The following TM4SF19 variants were observed in gnomAD, a reference collection of about 807,000 sequenced individuals.
The protein encoded by TM4SF19 is transmembrane 4 L six family member 19.
A neutral mutation model predicts 21.8 loss-of-function variants in TM4SF19; 17 were observed. That is an observed-to-expected ratio of 0.78 (90% CI 0.53 to 1.17). The LOEUF (loss-of-function observed/expected upper bound fraction) is 1.17. Among genes scored for constraint, TM4SF19 ranks in the 50% most tolerant of loss-of-function variants. The probability of loss-of-function intolerance (pLI) is 0.00; values close to 1 mark genes in which losing one functional copy is unlikely to be tolerated. For missense variants in TM4SF19, 216 were observed against 252.1 expected (o/e 0.86, Z 0.97); for synonymous variants, 107 against 106.7 (o/e 1.00, Z -0.02).
rs1432127264 is a variant in TM4SF19, at chr3:196,323,721, G to C, written c.*96C>G. The C allele has an allele frequency of 4.4e-6, 7 of 1,598,972 alleles. No individual in the cohort carries two copies. The East Asian group carries it at 1.6e-4, about 36-fold the overall frequency. ...TTATTACTCCAGGGATACCTAAAGG[G>C]GAAGTTTGTTTATAATTCGTACCCA... is the stretch of plus-strand genomic sequence containing the variant. On this transcript the variant is annotated 3_prime_UTR_variant, in exon 5 of 5. Transcript: ENST00000273695.
chr3:196,331,946 A>G (rs555622100), intron 1 of TM4SF19, among the ~76,000 whole-genome samples: 185 of 151,932 alleles, frequency 1.2e-3, no homozygotes, highest in Non-Finnish European at 2.1e-3. Context: ...TGACACGCCT[A>G]TAACACACTG....
Position 196,327,005 on chromosome 3 carries a change from A to C in TM4SF19, c.229T>G (p.Leu77Val), listed in dbSNP as rs1316056438. The C allele has an allele frequency of 1.9e-6, 3 of 1,611,472 alleles. No homozygotes were observed. The highest frequency in any genetic ancestry group is 1.3e-5 in the African/African-American group (1 of 74,878). Residue 77 changes from leucine to valine, a missense_variant, in exon 3 of 5, where the codon TTG (leucine) becomes GTG (valine). By Grantham distance (32) the Leu-to-Val change is conservative. Coordinates refer to ENST00000273695, the MANE Select transcript of TM4SF19 (RefSeq NM_138461.4). ...AAGCAGCCGTATCTCCAGCCCATCA[A>C]GGAGATGAGGATAGCTGCAGTGAGT... Reference protein sequence around the residue: ...MVLTAAILISLMGWRYGCFSK... With the variant: ...MVLTAAILISVMGWRYGCFSK...
chr3:196,327,352 C>A, intron 2 of TM4SF19, 38 bp downstream of exon 2: 1 of 1,601,980 alleles, frequency 6.2e-7, no homozygotes, highest in South Asian at 1.1e-5. Context: ...GCCGGGGTCT[C>A]TTTGAGAGTT....
At chr3:196,334,547 C>G (rs1477570830) in intron 1 of TM4SF19, among the ~76,000 whole-genome samples, 1 of 151,946 alleles carries the variant, frequency 6.6e-6, no homozygotes, top group East Asian at 1.9e-4. Flanking sequence ...TCCGCCTCCC[C>G]GGTTCAAGCG....
At chr3:196,332,261 A>G (rs1727545435) in intron 1 of TM4SF19, among the ~76,000 whole-genome samples, 2 of 151,712 alleles carry the variant, frequency 1.3e-5, no homozygotes, top group African/African-American at 2.4e-5. Flanking sequence ...TCTCAAAAAA[A>G]AAAAATTAAC....
In TM4SF19 at chr3:196,327,723, C is replaced by A; in HGVS notation, c.-1-132G>T. 6 of 681,334 alleles carry A rather than the reference C, an allele frequency of 8.8e-6. No individual in the cohort carries two copies. The South Asian group carries it at 9.2e-5, about 10-fold the overall frequency. 42.2% of individuals were successfully genotyped at this position (681,334 alleles called of 1,614,324 possible). ...CCTTCCAGGGTCAGACCAATGAGAG[C>A]CAAGCAACCTGCTTAAAAACTCTGC... On this transcript the variant is annotated intron_variant, in intron 1 of 4. Transcript: ENST00000273695.
rs1445410821 is a variant in TM4SF19, at chr3:196,329,561, G to A, written c.-1-1970C>T. On this transcript the variant is annotated intron_variant, in intron 1 of 4. Coordinates refer to ENST00000273695, the MANE Select transcript of TM4SF19 (RefSeq NM_138461.4). ...TGCTTGCCTATAATCCCAGCTACTCGGAGGTTGAGGCAGGAAAATCGCTTG... is the reference window on the plus strand; with the variant it reads ...TGCTTGCCTATAATCCCAGCTACTCAGAGGTTGAGGCAGGAAAATCGCTTG... 5.7e-5 allele frequency among the ~76,000 whole-genome samples: 7 copies of A among 122,960 alleles called. 1 individual carries two copies. The highest frequency in any genetic ancestry group is 3.5e-5 in the Non-Finnish European group (2 of 56,352). 80.7% of individuals were successfully genotyped at this position (122,960 alleles called of 152,430 possible).
Position 196,329,221 on chromosome 3 carries a change from C to T in TM4SF19, c.-1-1630G>A, listed in dbSNP as rs1246725196. 1.6e-5 allele frequency among the ~76,000 whole-genome samples: 2 copies of T among 127,076 alleles called. 1 individual carries two copies. Among genetic ancestry groups the T allele is most frequent in the Admixed American group, 1.8e-4 (2 of 11,026 alleles). 83.4% of individuals were successfully genotyped at this position (127,076 alleles called of 152,430 possible). A position where few individuals can be genotyped will look rare whatever the true frequency, so the allele number is the denominator to read the frequency against. On this transcript the variant is annotated intron_variant, in intron 1 of 4. Coordinates refer to ENST00000273695, the MANE Select transcript of TM4SF19 (RefSeq NM_138461.4). ...GCTCCCAAAGTGCTGGGATTACAGG[C>T]ATGAGCCACCGCGCCCGGCCAATAA...
chr3:196,330,538 C>T (rs1646568788), intron 1 of TM4SF19, among the ~76,000 whole-genome samples: 1 of 152,086 alleles, frequency 6.6e-6, no homozygotes, highest in Non-Finnish European at 1.5e-5. Flanking sequence ...TAATAAAATG[C>T]GTAAATTTCT....
intron 1 of TM4SF19, among the ~76,000 whole-genome samples, chr3:196,330,297 T>A (rs573873694): frequency 1.2e-4 from 18 of 152,080 alleles, no homozygotes; most frequent in Non-Finnish European, 1.9e-4. Context: ...GACTTTCTGT[T>A]TGGGGTGAAG....
rs1005219580 is a variant in TM4SF19 at position 196,323,630 on chromosome 3, G to A, written c.*187C>T. On this transcript the variant is annotated 3_prime_UTR_variant, in exon 5 of 5. Transcript: ENST00000273695. The stretch of plus-strand genomic sequence containing the variant: ...ATTTATCCTATCCATGGATCACCTG[G>A]AAGTTTACAATGTGATTTAAAATGC... 1 of 1,135,196 alleles carries A rather than the reference G, an allele frequency of 8.8e-7. No homozygotes were observed. The highest frequency in any genetic ancestry group is 1.2e-6 in the Non-Finnish European group (1 of 812,880). 70.3% of individuals were successfully genotyped at this position (1,135,196 alleles called of 1,614,324 possible).
chr3:196,330,459 A>T (rs1332604276), intron 1 of TM4SF19, among the ~76,000 whole-genome samples: 1 of 152,246 alleles, frequency 6.6e-6, no homozygotes, highest in Non-Finnish European at 1.5e-5. Flanking sequence ...TGATTACTCA[A>T]ATCCTTATCA....
intron 1 of TM4SF19, among the ~76,000 whole-genome samples, chr3:196,331,022 C>T (rs1299121314): frequency 6.6e-6 from 1 of 151,928 alleles, no homozygotes; most frequent in Admixed American, 6.6e-5. Context: ...ACCTGTAATC[C>T]CAGCACTTTG....
At chr3:196,334,009 C>G (rs996248193) in intron 1 of TM4SF19, among the ~76,000 whole-genome samples, 12 of 151,622 alleles carry the variant, frequency 7.9e-5, no homozygotes, top group Admixed American at 4.6e-4. Flanking sequence ...TGCAGTGAGC[C>G]AAGATCGCAC....
intron 1 of TM4SF19, among the ~76,000 whole-genome samples, chr3:196,328,557 G>A (rs1250682053): frequency 6.6e-6 from 1 of 152,078 alleles, no homozygotes; most frequent in Non-Finnish European, 1.5e-5. Flanking sequence ...GACCTATATA[G>A]TAAGAATTGC....
chr3:196,326,998 C>T lies in TM4SF19; in HGVS notation c.236G>A (p.Gly79Asp). The change falls in exon 3 of 5, where the codon GGC (glycine) becomes GAC (aspartate). Residue 79 changes from glycine to aspartate, a missense_variant. Transcript: ENST00000273695. ...CTTACTGAAGCAGCCGTATCTCCAG[C>T]CCATCAAGGAGATGAGGATAGCTGC... Reference protein sequence around the residue: ...LTAAILISLMGWRYGCFSKSG... With the variant: ...LTAAILISLMDWRYGCFSKSG... 6.2e-7 allele frequency: 1 copy of T among 1,611,622 alleles called. No homozygotes were observed. Among genetic ancestry groups the T allele is most frequent in the Non-Finnish European group, 8.5e-7 (1 of 1,177,910 alleles).
intron 3 of TM4SF19, 127 bp from the exon 4 acceptor site, chr3:196,324,567 G>C (rs1441624710): frequency 5.9e-6 from 5 of 845,616 alleles, no homozygotes; most frequent in Non-Finnish European, 7.4e-6. Flanking sequence ...GCACAGGTCT[G>C]ACTTCTCTGG....
rs1486481952 is a variant in TM4SF19, at chr3:196,324,350, A to T, written c.370T>A (p.Phe124Ile). The change falls in exon 4 of 5, where the codon TTT becomes ATT. Residue 124 changes from phenylalanine to isoleucine, a missense_variant. Phe to Ile is a conservative substitution (Grantham distance 21). Transcript: ENST00000273695. Reference protein sequence around the residue: ...TSGVALKDGPFCMFDVSSFNQ... With the variant: ...TSGVALKDGPICMFDVSSFNQ... ...AAGGATGAAACATCAAACATGCAAA[A>T]AGGACCATCTTTCAGAGCAACTCCA... The T allele has an allele frequency of 6.2e-7, 1 of 1,614,182 alleles. No individual in the cohort carries two copies. The highest frequency in any genetic ancestry group is 1.1e-5 in the South Asian group (1 of 91,082).
chr3:196,323,620 G>T lies in TM4SF19; in HGVS notation c.*197C>A. On this transcript the variant is annotated 3_prime_UTR_variant, in exon 5 of 5. Transcript: ENST00000273695. ...TAACTTAGTTATTTATCCTATCCAT[G>T]GATCACCTGGAAGTTTACAATGTGA... is the stretch of plus-strand genomic sequence containing the variant. 9.8e-7 allele frequency: 1 copy of T among 1,021,818 alleles called. No homozygotes were observed. The allele number at this position is 1,021,818 out of a possible 1,614,324, so 63.3% of individuals were successfully genotyped here.
Sources: gnomAD v4.1 joint callset for allele counts (sites outside exome capture counted in the v4.1 genomes callset) on GRCh38, gnomAD v4.1.1 for gene constraint, MANE v1.5 for transcripts, NCBI Gene and HGNC (gene_info 2026-07-23, HGNC 2026-07-21) for gene names.